G3BP1: variants seen among roughly 807,000 people sequenced by gnomAD.
The protein encoded by G3BP1 is ras GTPase-activating protein-binding protein 1.
Under a neutral mutation model 58.6 loss-of-function variants are expected in G3BP1, and 35 were observed. That is an observed-to-expected ratio of 0.60 (90% CI 0.46 to 0.79). The LOEUF (loss-of-function observed/expected upper bound fraction) is 0.79. Among genes scored for constraint, G3BP1 ranks in the 30% least tolerant of loss-of-function variants. The pLI is 0.00. For missense variants in G3BP1, 523 were observed against 580.8 expected, an observed-to-expected ratio of 0.90 and a Z score of 1.02; for synonymous variants, 191 against 195.4, an observed-to-expected ratio of 0.98 and a Z score of 0.19.
At chr5:151,776,563 A>G (rs1004580079) in intron 1 of G3BP1, among the ~76,000 whole-genome samples, 1 of 152,026 alleles carries the variant, frequency 6.6e-6, no homozygotes, top group Non-Finnish European at 1.5e-5. Flanking sequence ...CGGGGTTCTA[A>G]TGGTGATTTT....
At position 151,794,295 on chromosome 5, in the gene G3BP1, T is replaced by C. The variant is rs754492867; in HGVS notation, c.442+46T>C. 5.8e-6 allele frequency: 6 copies of C among 1,034,814 alleles called. No homozygotes were observed. The Admixed American group carries it at 8.5e-5, about 15-fold the overall frequency. The allele number at this position is 1,034,814 out of a possible 1,614,324, so 64.1% of individuals were successfully genotyped here. On this transcript the variant is annotated intron_variant, in intron 5 of 11. Coordinates refer to ENST00000356245, the MANE Select transcript of G3BP1 (RefSeq NM_005754.3). ...AATTACTTGTCTAAATTTTTTTTAA[T>C]GGCATCCGATTGCCCTTAAGAGACT...
intron 2 of G3BP1, among the ~76,000 whole-genome samples, chr5:151,788,800 A>G (rs1762598025): frequency 6.9e-6 from 1 of 144,130 alleles, no homozygotes; most frequent in African/African-American, 2.5e-5. Flanking sequence ...TTCTGGAGAC[A>G]GAGTTTTGCT....
At position 151,803,926 on chromosome 5, in the gene G3BP1, G is replaced by A. The variant is rs1309805759; in HGVS notation, c.1236G>A (p.Glu412=). ...FRGEVRLNVE[E]KKTRAAREGD... ...GTGAGGTCCGTCTGAATGTCGAAGAGAAGAAGACTCGAGCTGCCAGGGAAG... is the reference window on the plus strand; with the variant it reads ...GTGAGGTCCGTCTGAATGTCGAAGAAAAGAAGACTCGAGCTGCCAGGGAAG... The change falls in exon 12 of 12, where the codon GAG becomes GAA. Residue 412 remains glutamate (E), a synonymous_variant. Coordinates refer to ENST00000356245, the MANE Select transcript of G3BP1 (RefSeq NM_005754.3). The A allele has an allele frequency of 3.7e-6, 6 of 1,613,928 alleles. No individual in the cohort carries two copies. The South Asian group carries it at 4.4e-5, about 12-fold the overall frequency.
intron 11 of G3BP1, 77 bp from the exon 12 acceptor site, chr5:151,803,808 A>G: frequency 3.0e-6 from 3 of 1,008,988 alleles, no homozygotes; most frequent in Non-Finnish European, 1.5e-6. Context: ...CTGGTTCATT[A>G]TTACAGCTTT....
rs1244645294 is a variant in G3BP1, at chr5:151,797,330, C to G, written c.643C>G (p.Pro215Ala). 1 of 1,614,006 alleles carries G rather than the reference C, an allele frequency of 6.2e-7. No homozygotes were observed. Among genetic ancestry groups the G allele is most frequent in the Non-Finnish European group, 8.5e-7 (1 of 1,179,898 alleles). The change falls in exon 7 of 12, where the codon CCT (proline) becomes GCT (alanine). Residue 215 changes from proline to alanine, a missense_variant. By Grantham distance (27) the Pro-to-Ala change is conservative. Coordinates refer to ENST00000356245, the MANE Select transcript of G3BP1 (RefSeq NM_005754.3). The stretch of plus-strand genomic sequence containing the variant: ...TGTATCTGAAATCCAAGAGGAAAAG[C>G]CTGAGCCAGTATTAGAAGAAACTGC... ...EPVSEIQEEK[P>A]EPVLEETAPE...
chr5:151,795,057 C>T (rs2113240259), intron 5 of G3BP1, among the ~76,000 whole-genome samples: 1 of 149,954 alleles, frequency 6.7e-6, no homozygotes, highest in East Asian at 1.9e-4. Context: ...GCGGGCAGAT[C>T]ACGAGGTCAG....
At position 151,806,111 on chromosome 5, in the gene G3BP1, TA is replaced by T. The variant is rs1762935783; in HGVS notation, c.*2021del. 6.6e-6 allele frequency: 1 copy of T among 152,174 alleles called. No individual in the cohort carries two copies. The highest frequency in any genetic ancestry group is 2.1e-4 in the South Asian group (1 of 4,824). The allele number at this position is 152,174 out of a possible 1,614,324, so 9.4% of individuals were successfully genotyped here. On this transcript the variant is annotated 3_prime_UTR_variant, in exon 12 of 12. Transcript: ENST00000356245. ...GCATTTATTGGGTGGGGTCTAAGGA[TA>T]CCAAATGTTGTGTAAAAATGAAGCA...
At chr5:151,790,778 T>TA in intron 3 of G3BP1, 111 bp from the exon 4 acceptor site, 1 of 650,262 alleles carries the variant, frequency 1.5e-6, no homozygotes, top group Non-Finnish European at 2.6e-6. Context: ...TCCTGTAATT[T>TA]AAATATACAC....
In G3BP1 at chr5:151,810,423, G is replaced by A. The variant is rs545621439; in HGVS notation, c.*6332G>A. ...AGTAGCCCCGTTTTGGGGCTGATCT[G>A]TCCAGAATTTGGAGTGAGGAACAAA... On this transcript the variant is annotated 3_prime_UTR_variant, in exon 12 of 12. Transcript: ENST00000356245. 2.6e-4 allele frequency: 40 copies of A among 152,348 alleles called. No homozygotes were observed. The highest frequency in any genetic ancestry group is 9.1e-4 in the African/African-American group (38 of 41,584). The allele number at this position is 152,348 out of a possible 1,614,324, so 9.4% of individuals were successfully genotyped here.
chr5:151,800,846 G>C lies in G3BP1; in HGVS notation c.1171G>C (p.Val391Leu). Reference protein sequence around the residue: ...GFVVFDDSEPVQKVLSNRPIM... With the variant: ...GFVVFDDSEPLQKVLSNRPIM... Reference sequence around the variant, plus strand: ...TGTTGTGTTTGATGATTCTGAGCCTGTTCAGAAAGTCCTTAGCAACAGGGT... The same window carrying C: ...TGTTGTGTTTGATGATTCTGAGCCTCTTCAGAAAGTCCTTAGCAACAGGGT... The change falls in exon 11 of 12, where the codon GTT becomes CTT. Residue 391 changes from valine (V) to leucine (L), a missense_variant. Around this residue, in one of 2 missense-constraint regions of G3BP1, gnomAD observed 125 missense variants for 181.7 expected, o/e 0.69. Transcript: ENST00000356245. The C allele has an allele frequency of 6.3e-7, 1 of 1,592,452 alleles. No individual in the cohort carries two copies. Among genetic ancestry groups the C allele is most frequent in the South Asian group, 1.1e-5 (1 of 90,468 alleles).
intron 1 of G3BP1, among the ~76,000 whole-genome samples, chr5:151,780,706 G>A (rs1188949322): frequency 6.6e-6 from 1 of 152,060 alleles, no homozygotes; most frequent in African/African-American, 2.4e-5. Context: ...GTAGAGACGG[G>A]GTTTTACCGC....
intron 1 of G3BP1, among the ~76,000 whole-genome samples, chr5:151,785,835 C>G (rs1275032688): frequency 6.6e-6 from 1 of 152,124 alleles, no homozygotes; most frequent in Non-Finnish European, 1.5e-5. Flanking sequence ...TTAAAAGATG[C>G]TATACTAAAA....
chr5:151,797,825 T>C (rs544923376), intron 7 of G3BP1, among the ~76,000 whole-genome samples: 2 of 152,332 alleles, frequency 1.3e-5, no homozygotes, highest in African/African-American at 4.8e-5. Context: ...TTCTATGAAA[T>C]TTTATTGAAG....
chr5:151,780,464 T>C (rs2113219828), intron 1 of G3BP1, among the ~76,000 whole-genome samples: 1 of 152,306 alleles, frequency 6.6e-6, no homozygotes, highest in Non-Finnish European at 1.5e-5. Context: ...TGCCTTTATG[T>C]TTCCCTGCCC....
At chr5:151,774,503 A>G (rs1235851775) in intron 1 of G3BP1, among the ~76,000 whole-genome samples, 2 of 152,070 alleles carry the variant, frequency 1.3e-5, no homozygotes, top group Admixed American at 6.5e-5. Context: ...ATTTGTGACT[A>G]AAGCCAATTT....
At position 151,804,931 on chromosome 5, in the gene G3BP1, A is replaced by G. The variant is rs1352718213; in HGVS notation, c.*840A>G. ...GATTTCAGTCTTGGCAATTGTTTAA[A>G]AAAAAAATCTAGATTTGTTTTATTA... On this transcript the variant is annotated 3_prime_UTR_variant, in exon 12 of 12. Coordinates refer to ENST00000356245, the MANE Select transcript of G3BP1 (RefSeq NM_005754.3). 6.6e-6 allele frequency: 1 copy of G among 152,632 alleles called. No homozygotes were observed. Among genetic ancestry groups the G allele is most frequent in the Non-Finnish European group, 1.5e-5 (1 of 68,024 alleles). 9.5% of individuals were successfully genotyped at this position (152,632 alleles called of 1,614,324 possible).
chr5:151,790,293 T>C (rs371753038), intron 2 of G3BP1, 30 bp from the exon 3 acceptor site: 1 of 1,202,418 alleles, frequency 8.3e-7, no homozygotes, highest in Non-Finnish European at 1.2e-6. Context: ...TACTTGAAGA[T>C]GACAAGTAAA....
intron 1 of G3BP1, among the ~76,000 whole-genome samples, chr5:151,774,780 T>G (rs899586242): frequency 6.6e-6 from 1 of 151,624 alleles, no homozygotes; most frequent in African/African-American, 2.4e-5. Context: ...GGGAAAAATC[T>G]CTGGTAGTGC....
chr5:151,785,150 G>A (rs1024769771), intron 1 of G3BP1, among the ~76,000 whole-genome samples: 2 of 152,202 alleles, frequency 1.3e-5, no homozygotes, highest in Admixed American at 6.5e-5. Flanking sequence ...ACCGTGACCA[G>A]CCAACTTTTA....
Sources: gnomAD v4.1 joint callset for allele counts (sites outside exome capture counted in the v4.1 genomes callset) on GRCh38, gnomAD v4.1.1 for gene constraint, gnomAD v4.1.1 regional missense constraint, MANE v1.5 for transcripts, NCBI Gene and HGNC (gene_info 2026-07-23, HGNC 2026-07-21) for gene names.